Variants in WDFY3 observed in about 807,000 individuals in gnomAD.
WDFY3 encodes WD repeat and FYVE domain containing 3.
WDFY3 carries 66 observed loss-of-function variants against 409.6 expected under a neutral mutation model. The ratio of observed to expected loss-of-function variants is 0.16; its 90% CI spans 0.13 to 0.20. WDFY3 has a LOEUF of 0.20. Ranked by LOEUF, WDFY3 falls within the 10% of genes least tolerant of loss-of-function variation. The probability of loss-of-function intolerance (pLI) is 1.00; values close to 1 mark genes in which losing one functional copy is unlikely to be tolerated. For missense variants in WDFY3, 3,031 were observed against 4,298.1 expected, an observed-to-expected ratio of 0.71 and a Z score of 8.24; for synonymous variants, 1,521 against 1,537.1, an observed-to-expected ratio of 0.99 and a Z score of 0.25.
rs1269829223 is a variant in WDFY3, at chr4:84,904,249, CATTT to C, written c.-131-7243_-131-7240del. On this transcript the variant is annotated intron_variant, in intron 2 of 67. Coordinates refer to ENST00000295888, the MANE Select transcript of WDFY3 (RefSeq NM_014991.6). ...GCATTCATTCATTCATTCATTCATT[CATTT>C]ATTTGAGACGGAGTTTCGCTCTTGT... 7.9e-3 allele frequency among the ~76,000 whole-genome samples: 1,197 copies of C among 152,238 alleles called. 12 individuals carry two copies. The highest frequency in any genetic ancestry group is 0.028 in the African/African-American group (1,156 of 41,534).
chr4:84,852,179 T>C (rs1177389849), intron 4 of WDFY3, among the ~76,000 whole-genome samples: 4 of 152,156 alleles, frequency 2.6e-5, no homozygotes, highest in Non-Finnish European at 5.9e-5. Context: ...ACCAGGACAA[T>C]AGGTCTCATA....
intron 19 of WDFY3, 122 bp downstream of exon 19, chr4:84,796,399 T>C (rs1025032754): frequency 5.3e-6 from 3 of 565,238 alleles, no homozygotes; most frequent in Non-Finnish European, 8.2e-6. Flanking sequence ...ACTCAATAAT[T>C]AAAAAATATT....
intron 67 of WDFY3, among the ~76,000 whole-genome samples, chr4:84,674,203 C>A (rs1455286312): frequency 3.9e-5 from 6 of 152,146 alleles, no homozygotes; most frequent in African/African-American, 1.4e-4. Flanking sequence ...TATATTTAAA[C>A]AATATTTTGA....
chr4:84,949,076 G>A (rs1466381398), intron 1 of WDFY3, among the ~76,000 whole-genome samples: 1 of 152,062 alleles, frequency 6.6e-6, no homozygotes, highest in Non-Finnish European at 1.5e-5. Flanking sequence ...AGGTTAGATT[G>A]ACCTTAACAT....
intron 53 of WDFY3, among the ~76,000 whole-genome samples, chr4:84,706,413 G>A (rs1054509595): frequency 6.6e-6 from 1 of 152,074 alleles, no homozygotes; most frequent in Admixed American, 6.6e-5. Flanking sequence ...AAAGTACCAG[G>A]TGTCATCCTA....
Position 84,690,614 on chromosome 4 carries a change from T to G in WDFY3, c.9255A>C (p.Ala3085=). The part of the protein sequence containing the change: ...CLSEWGQILC[A]ICPNPKLVIT... Reference sequence around the variant, plus strand: ...TGACCAGCTTGGGGTTGGGGCAGATTGCACAGAGAATCTGGCCCCACTCAG... The same window carrying G: ...TGACCAGCTTGGGGTTGGGGCAGATGGCACAGAGAATCTGGCCCCACTCAG... The change falls in exon 61 of 68, where the codon GCA becomes GCC. Residue 3085 remains alanine, a synonymous_variant. Coordinates refer to ENST00000295888, the MANE Select transcript of WDFY3 (RefSeq NM_014991.6). The G allele has an allele frequency of 6.2e-7, 1 of 1,614,156 alleles. No homozygotes were observed. The highest frequency in any genetic ancestry group is 8.5e-7 in the Non-Finnish European group (1 of 1,180,020).
At chr4:84,936,707 T>C (rs1399494679) in intron 1 of WDFY3, among the ~76,000 whole-genome samples, 1 of 151,888 alleles carries the variant, frequency 6.6e-6, no homozygotes, top group African/African-American at 2.4e-5. Context: ...CTCCCAGGAC[T>C]CCTGCCAGGT....
intron 25 of WDFY3, among the ~76,000 whole-genome samples, chr4:84,782,073 C>G (rs1300943029): frequency 6.6e-6 from 1 of 152,114 alleles, no homozygotes; most frequent in African/African-American, 2.4e-5. Flanking sequence ...AAGATCCTAT[C>G]TAACAAAAAA....
chr4:84,844,433 C>A (rs1411874126), intron 5 of WDFY3: 7 of 1,287,894 alleles, frequency 5.4e-6, no homozygotes, highest in Admixed American at 4.6e-5. Flanking sequence ...CAATATATAA[C>A]CACATCTTGG....
intron 1 of WDFY3, among the ~76,000 whole-genome samples, chr4:84,935,033 T>C (rs1023961145): frequency 4.6e-5 from 7 of 152,156 alleles, no homozygotes; most frequent in Non-Finnish European, 1.0e-4. Flanking sequence ...TCACCCAACG[T>C]TGTTGCATAT....
chr4:84,899,783 C>T lies in WDFY3; in HGVS notation c.-131-2773G>A, dbSNP rs538373137. On this transcript the variant is annotated intron_variant, in intron 2 of 67. Transcript: ENST00000295888. ...AGTGTGGTGAGTCACACCTATAATC[C>T]CAACACTTTGAAAAGCTGAGGCGTG... is the stretch of plus-strand genomic sequence containing the variant. 2.6e-3 allele frequency among the ~76,000 whole-genome samples: 395 copies of T among 152,162 alleles called. 3 individuals carry two copies. The highest frequency in any genetic ancestry group is 8.1e-3 in the Admixed American group (124 of 15,270).
intron 1 of WDFY3, among the ~76,000 whole-genome samples, chr4:84,958,367 T>C (rs1774502428): frequency 6.6e-6 from 1 of 152,222 alleles, no homozygotes; most frequent in Non-Finnish European, 1.5e-5. Context: ...AATCCTATGT[T>C]TAAGCAGTTC....
intron 53 of WDFY3, among the ~76,000 whole-genome samples, chr4:84,705,916 T>G (rs1731854775): frequency 6.6e-6 from 1 of 152,140 alleles, no homozygotes; most frequent in African/African-American, 2.4e-5. Flanking sequence ...AGATCTCCCT[T>G]GTGTCCTCCC....
intron 12 of WDFY3, among the ~76,000 whole-genome samples, chr4:84,818,689 C>T (rs1753658743): frequency 6.6e-6 from 1 of 152,014 alleles, no homozygotes; most frequent in South Asian, 2.1e-4. Context: ...AGTTAGGACC[C>T]ACTAGATAAT....
chr4:84,709,469 G>A lies in WDFY3; in HGVS notation c.8043-122C>T, dbSNP rs1732527338. On this transcript the variant is annotated intron_variant, in intron 51 of 67. Coordinates refer to ENST00000295888, the MANE Select transcript of WDFY3 (RefSeq NM_014991.6). Reference sequence around the variant, plus strand: ...TTTTCAAACTATGGAGGATCTATTAGTGGGTCATAAAATCAGTTTAGTGGG... The same window carrying A: ...TTTTCAAACTATGGAGGATCTATTAATGGGTCATAAAATCAGTTTAGTGGG... 5 of 729,596 alleles carry A rather than the reference G, an allele frequency of 6.9e-6. No homozygotes were observed. The East Asian group carries it at 1.4e-4, about 20-fold the overall frequency. The allele number at this position is 729,596 out of a possible 1,614,324, so 45.2% of individuals were successfully genotyped here.
intron 35 of WDFY3, 47 bp downstream of exon 35, chr4:84,753,650 T>G (rs374262151): frequency 6.7e-7 from 1 of 1,503,194 alleles, no homozygotes; most frequent in Non-Finnish European, 8.9e-7. Context: ...TAATTCCAGT[T>G]CTGACATTCT....
At chr4:84,832,211 T>C (rs1578727446) in intron 7 of WDFY3, among the ~76,000 whole-genome samples, 4 of 152,172 alleles carry the variant, frequency 2.6e-5, no homozygotes, top group Non-Finnish European at 2.9e-5. Context: ...TTGGAGGACA[T>C]TATGTTAAGG....
In WDFY3 at chr4:84,848,786, C is replaced by T. The variant is rs138580769; in HGVS notation, c.304+1116G>A. Among the ~76,000 whole-genome samples the T allele has an allele frequency of 2.6e-5, 4 of 152,230 alleles. No individual in the cohort carries two copies. The East Asian group carries it at 7.8e-4, about 30-fold the overall frequency. On this transcript the variant is annotated intron_variant, in intron 5 of 67. Transcript: ENST00000295888. ...AACCACAGCTGTGTATTCAGCACAT[C>T]TCCCCAGCACATGTATCTGTGAGAT... is the stretch of plus-strand genomic sequence containing the variant.
chr4:84,734,939 T>G, intron 43 of WDFY3, 104 bp downstream of exon 43: 1 of 905,814 alleles, frequency 1.1e-6, no homozygotes, highest in Non-Finnish European at 1.7e-6. Flanking sequence ...ACGAATGCAG[T>G]CCAGCAAGTA....
Sources: allele counts gnomAD v4.1 joint callset (sites outside exome capture counted in the v4.1 genomes callset), GRCh38; gene constraint gnomAD v4.1.1; transcripts MANE v1.5; gene names NCBI Gene and HGNC (gene_info 2026-07-23, HGNC 2026-07-21).